The following IQCM variants were observed in gnomAD, a reference collection of about 807,000 sequenced individuals.
The protein encoded by IQCM is IQ motif containing M.
Under a neutral mutation model 57.6 loss-of-function variants are expected in IQCM, and 45 were observed. The ratio of observed to expected loss-of-function variants is 0.78; its 90% CI spans 0.62 to 1.00. IQCM has a LOEUF of 1.00. Ranked by LOEUF, IQCM falls within the 50% of genes least tolerant of loss-of-function variation. The probability of loss-of-function intolerance (pLI) is 0.00; values close to 1 mark genes in which losing one functional copy is unlikely to be tolerated. For missense variants in IQCM, 468 were observed against 511.6 expected (o/e 0.91, Z 0.82); for synonymous variants, 148 against 158.9 (o/e 0.93, Z 0.51).
chr4:149,699,027 A>G (rs1763558063), intron 5 of IQCM, among the ~76,000 whole-genome samples: 1 of 152,146 alleles, frequency 6.6e-6, no homozygotes, highest in South Asian at 2.1e-4. Flanking sequence ...ATGAATTTTA[A>G]TAACATGATA....
At chr4:149,686,538 A>G (rs2150214754) in intron 5 of IQCM, 70 bp from the exon 6 acceptor site, 1 of 533,126 alleles carries the variant, frequency 1.9e-6, no homozygotes, top group Non-Finnish European at 2.9e-6. Context: ...TTCAAATTCA[A>G]TTGCAAATCA....
At chr4:149,441,755 T>G (rs982177938) in intron 12 of IQCM, among the ~76,000 whole-genome samples, 3 of 152,166 alleles carry the variant, frequency 2.0e-5, no homozygotes, top group Non-Finnish European at 2.9e-5. Context: ...CACAAATCTT[T>G]CCTGTATAAT....
In IQCM at chr4:149,654,472, T is replaced by C. The variant is rs1021484900; in HGVS notation, c.565+27646A>G. 7.2e-5 allele frequency among the ~76,000 whole-genome samples: 11 copies of C among 152,144 alleles called. No individual in the cohort carries two copies. The East Asian group carries it at 1.7e-3, about 24-fold the overall frequency. On this transcript the variant is annotated intron_variant, in intron 7 of 13. Coordinates refer to ENST00000636793, the MANE Select transcript of IQCM (RefSeq NM_001363507.2). ...CTCTCTGTTGCCCCTGCTTTTACCA[T>C]GCAACATGCAAGCTCCTGCTTCACC...
intron 7 of IQCM, among the ~76,000 whole-genome samples, chr4:149,679,419 T>A (rs964122296): frequency 6.6e-6 from 1 of 151,498 alleles, no homozygotes; most frequent in Non-Finnish European, 1.5e-5. Context: ...AATATATGGG[T>A]TGCCAGAAGA....
chr4:149,466,964 C>T (rs957063740), intron 12 of IQCM, among the ~76,000 whole-genome samples: 1 of 152,106 alleles, frequency 6.6e-6, no homozygotes, highest in Non-Finnish European at 1.5e-5. Context: ...TTCATGAAGC[C>T]GGGGCCCTCA....
intron 2 of IQCM, among the ~76,000 whole-genome samples, chr4:149,758,501 T>C (rs1047828252): frequency 2.0e-5 from 3 of 152,174 alleles, no homozygotes; most frequent in South Asian, 2.1e-4. Flanking sequence ...AAATAAAAAC[T>C]TCTGCTCTGT....
intron 12 of IQCM, among the ~76,000 whole-genome samples, chr4:149,442,429 C>T (rs1273135248): frequency 2.0e-5 from 3 of 151,934 alleles, no homozygotes; most frequent in Non-Finnish European, 1.5e-5. Flanking sequence ...ACCCAAAAAA[C>T]AAAAACAAAC....
At chr4:149,405,929 T>A (rs1328422876) in intron 13 of IQCM, among the ~76,000 whole-genome samples, 1 of 148,156 alleles carries the variant, frequency 6.7e-6, no homozygotes, top group East Asian at 2.0e-4. Context: ...TATATGTAAA[T>A]ATATATATAT....
chr4:149,403,189 A>G lies in IQCM; in HGVS notation c.1390+30207T>C, dbSNP rs371756790. Among the ~76,000 whole-genome samples the G allele has an allele frequency of 4.9e-4, 74 of 152,100 alleles. 1 individual carries two copies. The highest frequency in any genetic ancestry group is 1.6e-3 in the African/African-American group (66 of 41,546). On this transcript the variant is annotated intron_variant, in intron 13 of 13. Transcript: ENST00000636793. ...TCAATTCTCCTTAAGAGAGATATTT[A>G]TAGATTGAAACTACCTTTCCAGATT...
At chr4:149,701,909 G>A (rs1314976165) in intron 5 of IQCM, among the ~76,000 whole-genome samples, 1 of 151,842 alleles carries the variant, frequency 6.6e-6, no homozygotes, top group Non-Finnish European at 1.5e-5. Flanking sequence ...TTTTATTGAT[G>A]TAGATAAGAT....
chr4:149,358,046 G>A (rs976342952), intron 13 of IQCM, among the ~76,000 whole-genome samples: 1 of 152,174 alleles, frequency 6.6e-6, no homozygotes, highest in African/African-American at 2.4e-5. Context: ...GATGTTTATA[G>A]TATTCTCTGA....
intron 13 of IQCM, among the ~76,000 whole-genome samples, chr4:149,416,315 T>C (rs897053144): frequency 3.9e-5 from 6 of 152,078 alleles, no homozygotes; most frequent in African/African-American, 1.4e-4. Context: ...TGAGAAAATA[T>C]CTATTTTTGT....
chr4:149,382,199 G>A (rs1267089485), intron 13 of IQCM, among the ~76,000 whole-genome samples: 1 of 152,078 alleles, frequency 6.6e-6, no homozygotes, highest in Non-Finnish European at 1.5e-5. Context: ...CTAGAATGGT[G>A]CCTGGCATAC....
At chr4:149,522,490 C>T (rs973909975) in intron 12 of IQCM, among the ~76,000 whole-genome samples, 14 of 152,126 alleles carry the variant, frequency 9.2e-5, no homozygotes, top group Non-Finnish European at 8.8e-5. Context: ...AGACTTTCTA[C>T]AACAACACAA....
Position 149,735,079 on chromosome 4 carries a change from T to C in IQCM, c.120+297A>G, listed in dbSNP as rs17026387. Among the ~76,000 whole-genome samples, 1,366 of 152,326 alleles carry C rather than the reference T, an allele frequency of 9.0e-3. 10 individuals carry two copies. The highest frequency in any genetic ancestry group is 0.03 in the African/African-American group (1,265 of 41,576). On this transcript the variant is annotated intron_variant, in intron 4 of 13. Transcript: ENST00000636793. ...TAAACAGCATTTAAAGGGATATTTA[T>C]GTGACATGATAAATCCAATTATTTA...
intron 9 of IQCM, among the ~76,000 whole-genome samples, chr4:149,576,785 G>A (rs998441668): frequency 6.6e-6 from 1 of 151,644 alleles, no homozygotes; most frequent in Non-Finnish European, 1.5e-5. Context: ...TACATTGAAT[G>A]ATAGTTTAAG....
intron 13 of IQCM, among the ~76,000 whole-genome samples, chr4:149,370,991 T>C (rs1270718153): frequency 1.3e-5 from 2 of 151,940 alleles, no homozygotes; most frequent in East Asian, 1.9e-4. Context: ...TATATGCGCA[T>C]GACTCTGGAA....
At chr4:149,769,174 T>G (rs2149982858) in intron 2 of IQCM, among the ~76,000 whole-genome samples, 1 of 152,094 alleles carries the variant, frequency 6.6e-6, no homozygotes, top group African/African-American at 2.4e-5. Flanking sequence ...GCACGCCAGG[T>G]TTTCATACTT....
chr4:149,630,487 T>TAAAGGGC (rs1333146935), intron 7 of IQCM, among the ~76,000 whole-genome samples: 14 of 152,218 alleles, frequency 9.2e-5, no homozygotes, highest in African/African-American at 3.4e-4. Flanking sequence ...AGTGATAATT[T>TAAAGGGC]AAAGGGCATA....
Sources: allele counts gnomAD v4.1 joint callset (sites outside exome capture counted in the v4.1 genomes callset), GRCh38; gene constraint gnomAD v4.1.1; transcripts MANE v1.5; gene names NCBI Gene and HGNC (gene_info 2026-07-23, HGNC 2026-07-21).